The following FOXJ3 variants were observed in gnomAD, a reference collection of about 807,000 sequenced individuals.
FOXJ3 encodes forkhead box protein J3.
In FOXJ3, 22 loss-of-function variants were observed where a neutral mutation model predicts 76.1. The ratio of observed to expected loss-of-function variants is 0.29; its 90% confidence interval spans 0.21 to 0.41. The LOEUF (loss-of-function observed/expected upper bound fraction) is 0.41. Ranked by LOEUF, FOXJ3 falls within the 10% of genes least tolerant of loss-of-function variation. The pLI is 1.00. For missense variants in FOXJ3, 613 were observed against 762.1 expected (o/e 0.80, Z 2.30); for synonymous variants, 269 against 261.2 (o/e 1.03, Z -0.29).
intron 6 of FOXJ3, among the ~76,000 whole-genome samples, chr1:42,199,640 T>G (rs1646720290): frequency 6.6e-6 from 1 of 152,034 alleles, no homozygotes. Context: ...AAAAAGATTT[T>G]TTTTTTAAAA....
chr1:42,183,488 G>A (rs998809332), intron 11 of FOXJ3, among the ~76,000 whole-genome samples: 7 of 151,674 alleles, frequency 4.6e-5, no homozygotes, highest in East Asian at 1.9e-4. Context: ...TGTCAACTAC[G>A]TTACATCACA....
At chr1:42,299,526 G>A (rs1039587421) in intron 2 of FOXJ3, among the ~76,000 whole-genome samples, 1 of 150,466 alleles carries the variant, frequency 6.6e-6, no homozygotes, top group Non-Finnish European at 1.5e-5. Flanking sequence ...CTTGCTGGCA[G>A]CAGATGGTTG....
At chr1:42,189,113 T>C (rs1646493281) in intron 10 of FOXJ3, 185 bp from the exon 11 acceptor site, 2 of 615,336 alleles carry the variant, frequency 3.3e-6, no homozygotes, top group East Asian at 5.7e-5. Flanking sequence ...TTAAATGTGG[T>C]CAAATTTCTT....
At chr1:42,328,592 G>T (rs768189712) in intron 1 of FOXJ3, among the ~76,000 whole-genome samples, 3 of 151,828 alleles carry the variant, frequency 2.0e-5, no homozygotes, top group African/African-American at 7.3e-5. Context: ...TATTAGAAAC[G>T]AGGCCTTTAT....
At position 42,331,522 on chromosome 1, in the gene FOXJ3, T is replaced by C. The variant is rs572120744; in HGVS notation, c.-18+3537A>G. Among the ~76,000 whole-genome samples, 27 of 152,298 alleles carry C rather than the reference T, an allele frequency of 1.8e-4. No homozygotes were observed. The South Asian group carries it at 5.6e-3, about 32-fold the overall frequency. ...GAAATACTGATACATGCTACATGGA[T>C]GGGCCTTGAAACATATGCAAGTGAA... On this transcript the variant is annotated intron_variant, in intron 1 of 12. Transcript: ENST00000361346.
In FOXJ3 at chr1:42,311,117, A is replaced by G; in HGVS notation, c.-17-7T>C. On this transcript the variant is annotated splice_region_variant and splice_polypyrimidine_tract_variant and intron_variant, in intron 1 of 12. Transcript: ENST00000361346. The stretch of plus-strand genomic sequence containing the variant: ...ATCTGGCCACAAAGAGAATCTGAAA[A>G]GCAAAGAAGAGTTAGTTATCAGATA... 1.9e-6 allele frequency: 3 copies of G among 1,583,064 alleles called. No individual in the cohort carries two copies. Among genetic ancestry groups the G allele is most frequent in the Non-Finnish European group, 2.6e-6 (3 of 1,165,732 alleles).
At chr1:42,219,535 A>AC (rs1193826724) in intron 5 of FOXJ3, among the ~76,000 whole-genome samples, 5 of 152,218 alleles carry the variant, frequency 3.3e-5, no homozygotes, top group Non-Finnish European at 7.3e-5. Context: ...TAAAAATGAT[A>AC]CCCTCATGAC....
intron 10 of FOXJ3, 29 bp from the exon 11 acceptor site, chr1:42,188,957 G>C (rs1273251793): frequency 1.4e-6 from 2 of 1,395,938 alleles, no homozygotes. Context: ...AAATATGTTA[G>C]CACTGTTATG....
rs572121906 is a variant in FOXJ3, at chr1:42,237,416, A to G, written c.445-9450T>C. On this transcript the variant is annotated intron_variant, in intron 4 of 12. Coordinates refer to ENST00000361346, the MANE Select transcript of FOXJ3 (RefSeq NM_014947.5). ...TACATACATACATACATATATATAT[A>G]TATATATATATACATACATACATAT... 6.5e-4 allele frequency among the ~76,000 whole-genome samples: 95 copies of G among 146,834 alleles called. 1 individual carries two copies. In the South Asian group the frequency reaches 0.018, roughly 28 times the overall value.
chr1:42,266,127 A>T (rs1651448766), intron 3 of FOXJ3, among the ~76,000 whole-genome samples: 1 of 152,158 alleles, frequency 6.6e-6, no homozygotes, highest in African/African-American at 2.4e-5. Context: ...ATTTTGACAT[A>T]ATATCTGCTT....
At chr1:42,288,190 T>C (rs1322081849) in intron 2 of FOXJ3, among the ~76,000 whole-genome samples, 2 of 152,220 alleles carry the variant, frequency 1.3e-5, no homozygotes, top group East Asian at 3.8e-4. Flanking sequence ...TCTATGTCTC[T>C]GAGTAGTTGT....
chr1:42,211,645 T>G (rs1041522338), intron 5 of FOXJ3, among the ~76,000 whole-genome samples: 3 of 152,082 alleles, frequency 2.0e-5, no homozygotes, highest in African/African-American at 7.2e-5. Flanking sequence ...AGGAGAAAAT[T>G]TTTAAATGCA....
At chr1:42,208,473 T>C (rs1413077825) in intron 5 of FOXJ3, among the ~76,000 whole-genome samples, 2 of 152,142 alleles carry the variant, frequency 1.3e-5, no homozygotes, top group African/African-American at 4.8e-5. Context: ...TAAAAAGCAT[T>C]TGACAAAATT....
intron 2 of FOXJ3, among the ~76,000 whole-genome samples, chr1:42,293,466 TATTCC>T (rs1282968909): frequency 2.0e-5 from 3 of 152,106 alleles, no homozygotes; most frequent in African/African-American, 7.2e-5. Flanking sequence ...AACAAGATAC[TATTCC>T]AAACCCACTA....
At chr1:42,192,808 C>T (rs1646577319) in intron 8 of FOXJ3, among the ~76,000 whole-genome samples, 1 of 149,948 alleles carries the variant, frequency 6.7e-6, no homozygotes, top group African/African-American at 2.4e-5. Context: ...AAGAATCAAG[C>T]TTTTTAAAAA....
At chr1:42,289,717 T>C (rs1428801253) in intron 2 of FOXJ3, among the ~76,000 whole-genome samples, 1 of 152,174 alleles carries the variant, frequency 6.6e-6, no homozygotes, top group Non-Finnish European at 1.5e-5. Context: ...ACAAGCTATT[T>C]AACAATATAA....
intron 4 of FOXJ3, among the ~76,000 whole-genome samples, chr1:42,256,653 C>A (rs1298152865): frequency 2.0e-5 from 3 of 152,184 alleles, no homozygotes; most frequent in African/African-American, 7.2e-5. Context: ...AATAGCACAA[C>A]CACTTTGGGA....
chr1:42,189,156 A>G, intron 10 of FOXJ3, 147 bp downstream of exon 10: 1 of 669,386 alleles, frequency 1.5e-6, no homozygotes, highest in South Asian at 2.0e-5. Flanking sequence ...TGCTATACCA[A>G]GTGGCCAAAA....
At chr1:42,220,281 G>A (rs770982717) in intron 5 of FOXJ3, among the ~76,000 whole-genome samples, 10 of 152,070 alleles carry the variant, frequency 6.6e-5, no homozygotes, top group Non-Finnish European at 5.9e-5. Flanking sequence ...AACATACACC[G>A]TGAGTCTACT....
Sources: allele counts gnomAD v4.1 joint callset (sites outside exome capture counted in the v4.1 genomes callset), GRCh38; gene constraint gnomAD v4.1.1; transcripts MANE v1.5; gene names NCBI Gene and HGNC (gene_info 2026-07-23, HGNC 2026-07-21).